Variants in SLC10A7 observed in about 807,000 individuals in gnomAD.
SLC10A7 encodes the protein solute carrier family 10 member 7, also known as sodium/bile acid cotransporter 7.
In SLC10A7, 29 loss-of-function variants were observed where a neutral mutation model predicts 43.2. The ratio of observed to expected loss-of-function variants is 0.67; its 90% confidence interval spans 0.50 to 0.92. The LOEUF is 0.92. Among genes scored for constraint, SLC10A7 ranks in the 40% least tolerant of loss-of-function variants. SLC10A7 has a pLI of 0.00. For missense variants in SLC10A7, 295 were observed against 403.2 expected (o/e 0.73, Z 2.30); for synonymous variants, 152 against 144.8 (o/e 1.05, Z -0.35).
intron 2 of SLC10A7, chr4:146,513,766 A>C (rs1737694358): frequency 6.6e-6 from 1 of 152,248 alleles, no homozygotes; most frequent in African/African-American, 2.4e-5. Flanking sequence ...CATAAAGATA[A>C]AACAAGGTAA....
intron 6 of SLC10A7, among the ~76,000 whole-genome samples, chr4:146,313,038 C>T (rs1305247776): frequency 6.6e-6 from 1 of 152,116 alleles, no homozygotes; most frequent in African/African-American, 2.4e-5. Flanking sequence ...GGTTTGGGAA[C>T]CAAAGGACCT....
At chr4:146,420,677 TG>T (rs1278224032) in intron 5 of SLC10A7, among the ~76,000 whole-genome samples, 4 of 152,264 alleles carry the variant, frequency 2.6e-5, no homozygotes, top group South Asian at 2.1e-4. Context: ...ATGTTGCTGT[TG>T]TTTTTTTTAG....
chr4:146,512,220 C>T (rs757137612), intron 2 of SLC10A7, among the ~76,000 whole-genome samples: 6 of 152,094 alleles, frequency 3.9e-5, no homozygotes, highest in Non-Finnish European at 8.8e-5. Context: ...GTGATCCACC[C>T]GCCTTGGCCT....
At chr4:146,259,289 C>T (rs758165164) in intron 10 of SLC10A7, among the ~76,000 whole-genome samples, 24 of 152,260 alleles carry the variant, frequency 1.6e-4, no homozygotes, top group East Asian at 5.8e-4. Flanking sequence ...TAAAAAAATA[C>T]GGTAAGATCA....
intron 5 of SLC10A7, among the ~76,000 whole-genome samples, chr4:146,412,096 G>T (rs1728235630): frequency 6.6e-6 from 1 of 152,024 alleles, no homozygotes; most frequent in Non-Finnish European, 1.5e-5. Flanking sequence ...GCTTCAGTCA[G>T]CTGTGAAGTA....
At chr4:146,379,394 C>T (rs911416507) in intron 5 of SLC10A7, among the ~76,000 whole-genome samples, 31 of 152,172 alleles carry the variant, frequency 2.0e-4, no homozygotes, top group Non-Finnish European at 3.2e-4. Context: ...GCTTCAGTAA[C>T]ATCATCAGGA....
rs117970969 is a variant in SLC10A7, at chr4:146,449,724, C to T, written c.397-6903G>A. ...ACAAAAACAGTGAAACAGACCATGC[C>T]CTCTTCTCCATGGGCCCTATTTTTA... On this transcript the variant is annotated intron_variant, in intron 4 of 11. Transcript: ENST00000335472. Among the ~76,000 whole-genome samples, 21 of 152,200 alleles carry T rather than the reference C, an allele frequency of 1.4e-4. No individual in the cohort carries two copies. In the East Asian group the frequency reaches 3.9e-3, roughly 28 times the overall value.
intron 2 of SLC10A7, chr4:146,515,225 C>T (rs996253099): frequency 2.3e-5 from 16 of 698,298 alleles, no homozygotes; most frequent in Non-Finnish European, 3.4e-5. Context: ...CATTAAGCAG[C>T]CACCAGGGGA....
At chr4:146,266,948 C>G (rs1003987191) in intron 10 of SLC10A7, among the ~76,000 whole-genome samples, 2 of 152,100 alleles carry the variant, frequency 1.3e-5, no homozygotes, top group Non-Finnish European at 2.9e-5. Context: ...AAGTGTTCAT[C>G]CATTATGTGC....
chr4:146,370,600 AG>A (rs1190347218), intron 5 of SLC10A7, among the ~76,000 whole-genome samples: 1 of 152,210 alleles, frequency 6.6e-6, no homozygotes, highest in African/African-American at 2.4e-5. Context: ...CAGGGCACAA[AG>A]AAGAATATAG....
chr4:146,401,046 C>G (rs1344086827), intron 5 of SLC10A7, among the ~76,000 whole-genome samples: 1 of 152,184 alleles, frequency 6.6e-6, no homozygotes, highest in East Asian at 1.9e-4. Context: ...ACTGCAAACA[C>G]TGGATGACCC....
intron 5 of SLC10A7, among the ~76,000 whole-genome samples, chr4:146,376,080 T>C (rs1737177576): frequency 6.6e-6 from 1 of 152,184 alleles, no homozygotes; most frequent in Non-Finnish European, 1.5e-5. Context: ...AACAGCCAGA[T>C]GGAAGAGATG....
At chr4:146,339,714 C>G (rs565315810) in intron 5 of SLC10A7, among the ~76,000 whole-genome samples, 52 of 151,554 alleles carry the variant, frequency 3.4e-4, no homozygotes, top group South Asian at 4.2e-4. Context: ...ATTATTTTTT[C>G]TCCAAGCCTA....
At chr4:146,476,296 C>G (rs922298179) in intron 4 of SLC10A7, among the ~76,000 whole-genome samples, 4 of 152,020 alleles carry the variant, frequency 2.6e-5, no homozygotes, top group African/African-American at 9.7e-5. Context: ...ATACGCTGCA[C>G]AAAGAGATGA....
chr4:146,477,235 C>T (rs1051299812), intron 4 of SLC10A7, among the ~76,000 whole-genome samples: 1 of 152,182 alleles, frequency 6.6e-6, no homozygotes, highest in Admixed American at 6.5e-5. Context: ...TGCGTTGTAG[C>T]GCTTAAAAGC....
At position 146,258,685 on chromosome 4, in the gene SLC10A7, G is replaced by T. The variant is rs1728030435; in HGVS notation, c.993+7C>A. On this transcript the variant is annotated splice_region_variant and intron_variant, in intron 11 of 11. Coordinates refer to ENST00000335472, the MANE Select transcript of SLC10A7 (RefSeq NM_001029998.6). ...TGGATCCAAATAAGATCTTTCTGGG[G>T]ACTCACCTTCTGCCTTGATACCATC... The T allele has an allele frequency of 6.3e-7, 1 of 1,575,874 alleles. No individual in the cohort carries two copies. The highest frequency in any genetic ancestry group is 1.4e-5 in the African/African-American group (1 of 72,364).
intron 4 of SLC10A7, among the ~76,000 whole-genome samples, chr4:146,443,339 T>C (rs1223087938): frequency 6.6e-6 from 1 of 152,210 alleles, no homozygotes; most frequent in African/African-American, 2.4e-5. Context: ...AAGTTATTGC[T>C]GTACCATTAA....
chr4:146,423,718 C>T (rs947961853), intron 5 of SLC10A7, among the ~76,000 whole-genome samples: 81 of 152,136 alleles, frequency 5.3e-4, no homozygotes, highest in Admixed American at 1.9e-3. Context: ...ATAAGAAGAA[C>T]GTAATATGAA....
At chr4:146,401,283 A>C (rs2630305) in intron 5 of SLC10A7, among the ~76,000 whole-genome samples, 38,453 of 151,950 alleles carry the variant, frequency 0.25, 5,561 homozygotes, top group African/African-American at 0.4. Context: ...ATCCTCCTAT[A>C]CCCACTGTCC....
Sources: gnomAD v4.1 joint callset for allele counts (sites outside exome capture counted in the v4.1 genomes callset) on GRCh38, gnomAD v4.1.1 for gene constraint, MANE v1.5 for transcripts, NCBI Gene and HGNC (gene_info 2026-07-23, HGNC 2026-07-21) for gene names.